The following ZZEF1 variants were observed in gnomAD, a reference collection of about 807,000 sequenced individuals.
ZZEF1 encodes zinc finger ZZ-type and EF-hand domain-containing protein 1.
A neutral mutation model predicts 342.8 loss-of-function variants in ZZEF1; 157 were observed. The ratio of observed to expected loss-of-function variants is 0.46; its 90% CI spans 0.40 to 0.52. The LOEUF (loss-of-function observed/expected upper bound fraction) is 0.52. Among genes scored for constraint, ZZEF1 ranks in the 20% least tolerant of loss-of-function variants. ZZEF1 has a pLI of 0.00. For missense variants in ZZEF1, 3,480 were observed against 3,725.6 expected (o/e 0.93, Z 1.72); for synonymous variants, 1,505 against 1,429.1 (o/e 1.05, Z -1.20).
intron 16 of ZZEF1, among the ~76,000 whole-genome samples, chr17:4,083,788 C>A (rs147133108): frequency 6.6e-6 from 1 of 152,256 alleles, no homozygotes; most frequent in East Asian, 1.9e-4. Flanking sequence ...CAGGCATGTG[C>A]CACCACGCCC....
chr17:4,075,544 C>T lies in ZZEF1; in HGVS notation c.3235-115G>A, dbSNP rs1597853912. Reference sequence around the variant, plus strand: ...GGCAGATGGCCTTGACAGCCCTGCACAAACCAGCAGGCAGGCTCGAAGACA... The same window carrying T: ...GGCAGATGGCCTTGACAGCCCTGCATAAACCAGCAGGCAGGCTCGAAGACA... On this transcript the variant is annotated intron_variant, in intron 21 of 54. Coordinates refer to ENST00000381638, the MANE Select transcript of ZZEF1 (RefSeq NM_015113.4). The T allele has an allele frequency of 9.2e-6, 11 of 1,198,518 alleles. No homozygotes were observed. In the East Asian group the frequency reaches 1.9e-4, roughly 21 times the overall value. 74.2% of individuals were successfully genotyped at this position (1,198,518 alleles called of 1,614,324 possible).
intron 11 of ZZEF1, among the ~76,000 whole-genome samples, chr17:4,091,248 G>A (rs1052535661): frequency 2.0e-5 from 3 of 152,160 alleles, no homozygotes; most frequent in African/African-American, 7.2e-5. Flanking sequence ...CCTGAGGTTT[G>A]GGCCACTTGC....
In ZZEF1 at chr17:4,105,782, G is replaced by C. The variant is rs138127466; in HGVS notation, c.1305C>G (p.Leu435=). 1.5e-4 allele frequency: 243 copies of C among 1,612,908 alleles called. No homozygotes were observed. Among genetic ancestry groups the C allele is most frequent in the Non-Finnish European group, 1.9e-4 (226 of 1,179,550 alleles). ...TQKALRHMPP[L]SLSPGSTDFS... ...AATCTGTAGATCCTGGTGAGAGAGA[G>C]AGTGGAGGCATGTGCCGCAGCGCCT... Residue 435 remains leucine, a synonymous_variant, in exon 7 of 55, where the codon CTC becomes CTG. Transcript: ENST00000381638.
intron 1 of ZZEF1, among the ~76,000 whole-genome samples, chr17:4,127,796 T>C (rs894777723): frequency 2.0e-5 from 3 of 152,198 alleles, no homozygotes; most frequent in Non-Finnish European, 4.4e-5. Flanking sequence ...GCTAGCCCCA[T>C]AGCCTCATAC....
At chr17:4,098,283 ACACCTG>A in intron 9 of ZZEF1, among the ~76,000 whole-genome samples, 1 of 150,488 alleles carries the variant, frequency 6.6e-6, no homozygotes, top group Admixed American at 6.6e-5. Context: ...ACGGTGGTGC[ACACCTG>A]CAATCCTAGC....
chr17:4,059,298 C>T lies in ZZEF1; in HGVS notation c.4884-8G>A. 1 of 1,592,302 alleles carries T rather than the reference C, an allele frequency of 6.3e-7. No homozygotes were observed. The highest frequency in any genetic ancestry group is 8.5e-7 in the Non-Finnish European group (1 of 1,175,484). ...TCCAGGTGTCCAAAATAACTAGAAA[C>T]AGAGGAAATCACTGATTCACTTAAT... On this transcript the variant is annotated splice_polypyrimidine_tract_variant and splice_region_variant and intron_variant, in intron 30 of 54. Transcript: ENST00000381638.
chr17:4,082,155 T>C (rs1431851101), intron 17 of ZZEF1, among the ~76,000 whole-genome samples: 1 of 152,172 alleles, frequency 6.6e-6, no homozygotes, highest in Non-Finnish European at 1.5e-5. Flanking sequence ...CTACATTCCT[T>C]TGGCTTCAGT....
In ZZEF1 at chr17:4,017,031, T is replaced by C. The variant is rs2056122091; in HGVS notation, c.8001+340A>G. 4.1e-6 allele frequency: 1 copy of C among 245,648 alleles called. No homozygotes were observed. Among genetic ancestry groups the C allele is most frequent in the African/African-American group, 2.2e-5 (1 of 44,916 alleles). 15.2% of individuals were successfully genotyped at this position (245,648 alleles called of 1,614,324 possible). ...GACAAAGCAAGGCTGAGAGGCCAAA[T>C]GAACTTCCTCATGGACTGCGTGTGT... On this transcript the variant is annotated intron_variant, in intron 48 of 54. Coordinates refer to ENST00000381638, the MANE Select transcript of ZZEF1 (RefSeq NM_015113.4). This position sits in a 1 kb window ranked among gnomAD's most constrained non-coding sequence, Gnocchi z 5.1.
Position 4,109,661 on chromosome 17 carries a change from G to C in ZZEF1, c.1269C>G (p.His423Gln), listed in dbSNP as rs181131648. 1.5e-5 allele frequency: 24 copies of C among 1,614,108 alleles called. No homozygotes were observed. In the Admixed American group the frequency reaches 3.0e-4, roughly 20 times the overall value. Reference sequence around the variant, plus strand: ...TAGAGAGAATGACTTACTGAGTATTGTGCAGCACTGTCTGGACAAAGGCGG... The same window carrying C: ...TAGAGAGAATGACTTACTGAGTATTCTGCAGCACTGTCTGGACAAAGGCGG... The part of the protein sequence containing the change: ...TNPAFVQTVL[H>Q]NTQKALRHMP... The change falls in exon 6 of 55, where the codon CAC (histidine) becomes CAG (glutamine). Residue 423 changes from histidine to glutamine, a missense_variant. Transcript: ENST00000381638.
At chr17:4,038,762 C>T (rs1379052517) in intron 39 of ZZEF1, among the ~76,000 whole-genome samples, 2 of 152,054 alleles carry the variant, frequency 1.3e-5, no homozygotes, top group Admixed American at 1.3e-4. Context: ...GCCGAGATTG[C>T]TCCACTGCAC....
chr17:4,081,029 G>A (rs927298261), intron 18 of ZZEF1, among the ~76,000 whole-genome samples: 4 of 152,024 alleles, frequency 2.6e-5, no homozygotes, highest in Non-Finnish European at 5.9e-5. Context: ...TTGATTCCAG[G>A]AGTTCAAGAC....
intron 33 of ZZEF1, among the ~76,000 whole-genome samples, chr17:4,054,466 A>G (rs2057114129): frequency 6.6e-6 from 1 of 152,182 alleles, no homozygotes; most frequent in African/African-American, 2.4e-5. Context: ...AAGGTCAAAG[A>G]AGGTTTTCCA....
chr17:4,128,643 G>C (rs1468492674), intron 1 of ZZEF1, among the ~76,000 whole-genome samples: 2 of 151,398 alleles, frequency 1.3e-5, no homozygotes, highest in Non-Finnish European at 2.9e-5. Flanking sequence ...GCACTTTTTG[G>C]TTGAGATGGA....
chr17:4,008,979 G>A lies in ZZEF1; in HGVS notation c.8734-25C>T, dbSNP rs1174934389. ...CCTGCAGAGAGAGAGCAGGGGCTGT[G>A]AGTGACAGCGCCAGATGCGCAGTGC... On this transcript the variant is annotated intron_variant, in intron 53 of 54. Transcript: ENST00000381638. This position sits in a 1 kb window ranked among gnomAD's most constrained non-coding sequence, Gnocchi z 4.2. 2.6e-6 allele frequency: 4 copies of A among 1,537,874 alleles called. No homozygotes were observed. Among genetic ancestry groups the A allele is most frequent in the Non-Finnish European group, 2.6e-6 (3 of 1,146,580 alleles).
At chr17:4,132,336 A>G (rs1271948804) in intron 1 of ZZEF1, among the ~76,000 whole-genome samples, 1 of 151,890 alleles carries the variant, frequency 6.6e-6, no homozygotes, top group African/African-American at 2.4e-5. Context: ...GGCATGCGCC[A>G]CCATACGTGG....
chr17:4,141,200 C>T (rs1006148068), intron 1 of ZZEF1, among the ~76,000 whole-genome samples: 7 of 152,210 alleles, frequency 4.6e-5, no homozygotes, highest in African/African-American at 1.2e-4. Context: ...TGAGCCACTG[C>T]GCCCAGCCAT....
chr17:4,063,994 C>T (rs1331399510), intron 29 of ZZEF1, among the ~76,000 whole-genome samples: 1 of 151,952 alleles, frequency 6.6e-6, no homozygotes, highest in East Asian at 1.9e-4. Context: ...TCCCAAATTG[C>T]TGGGATTACA....
chr17:4,067,501 A>G (rs1177464774), intron 26 of ZZEF1, among the ~76,000 whole-genome samples: 1 of 152,222 alleles, frequency 6.6e-6, no homozygotes, highest in African/African-American at 2.4e-5. Flanking sequence ...AGTGTGTAAA[A>G]TATTAAAAGA....
chr17:4,079,705 C>G (rs1329854809), intron 18 of ZZEF1, among the ~76,000 whole-genome samples: 1 of 152,140 alleles, frequency 6.6e-6, no homozygotes, highest in Non-Finnish European at 1.5e-5. Context: ...AAATGATAAC[C>G]TAGGCACCCT....
Sources: allele counts gnomAD v4.1 joint callset (sites outside exome capture counted in the v4.1 genomes callset), GRCh38; gene constraint gnomAD v4.1.1; non-coding constraint Gnocchi (gnomAD v3.1); transcripts MANE v1.5; gene names NCBI Gene and HGNC (gene_info 2026-07-23, HGNC 2026-07-21).